FHAD1: variants seen among roughly 807,000 people sequenced by gnomAD.
FHAD1 encodes forkhead-associated domain-containing protein 1.
A neutral mutation model predicts 191.3 loss-of-function variants in FHAD1; 146 were observed. The ratio of observed to expected loss-of-function variants is 0.76; its 90% CI spans 0.67 to 0.88. The LOEUF is 0.88. Among genes scored for constraint, FHAD1 ranks in the 40% least tolerant of loss-of-function variants. FHAD1 has a pLI of 0.00. For synonymous variants in FHAD1, 616 were observed against 672.3 expected (o/e 0.92, Z 1.29); for missense variants, 1,635 against 1,785.8 (o/e 0.92, Z 1.52).
intron 3 of FHAD1, among the ~76,000 whole-genome samples, chr1:15,275,879 A>AAT (rs1437290429): frequency 1.3e-5 from 2 of 152,162 alleles, no homozygotes; most frequent in Admixed American, 1.3e-4. Flanking sequence ...GGACTGTCCT[A>AAT]ATATTGTAAG....
intron 2 of FHAD1, among the ~76,000 whole-genome samples, chr1:15,255,954 G>T (rs956307841): frequency 6.9e-6 from 1 of 145,698 alleles, no homozygotes; most frequent in African/African-American, 2.4e-5. Flanking sequence ...AGGCCTGCCT[G>T]TTGAAATGGG....
chr1:15,280,813 G>T (rs918254001), intron 3 of FHAD1, among the ~76,000 whole-genome samples: 1 of 152,104 alleles, frequency 6.6e-6, no homozygotes, highest in African/African-American at 2.4e-5. Flanking sequence ...GGACTGACCA[G>T]GAAATGAATT....
intron 25 of FHAD1, among the ~76,000 whole-genome samples, chr1:15,368,835 G>A (rs961828703): frequency 1.3e-5 from 2 of 152,192 alleles, no homozygotes; most frequent in African/African-American, 4.8e-5. Flanking sequence ...CTATCTGGGA[G>A]GCTGAGGCAG....
chr1:15,365,810 G>GT lies in FHAD1; in HGVS notation c.3048-12dup. The GT allele has an allele frequency of 6.6e-7, 1 of 1,518,404 alleles. No individual in the cohort carries two copies. The highest frequency in any genetic ancestry group is 2.5e-5 in the East Asian group (1 of 40,732). 94.1% of individuals were successfully genotyped at this position (1,518,404 alleles called of 1,614,324 possible). A position where few individuals can be genotyped will look rare whatever the true frequency, so the allele number is the denominator to read the frequency against. On this transcript the variant is annotated splice_polypyrimidine_tract_variant and intron_variant, in intron 23 of 33. Coordinates refer to ENST00000688493, the MANE Select transcript of FHAD1 (RefSeq NM_001391957.1). ...AGTTTGAGTTGAACTGACTTCACCTGTTTTTGTGAATTTCAGAGATGACTT... is the reference window on the plus strand; with the variant it reads ...AGTTTGAGTTGAACTGACTTCACCTGTTTTTTGTGAATTTCAGAGATGACTT...
intron 14 of FHAD1, chr1:15,334,741 C>T (rs1683290095): frequency 6.6e-6 from 1 of 152,260 alleles, no homozygotes; most frequent in African/African-American, 2.4e-5. Flanking sequence ...AGCCACCAGG[C>T]AGGTAGGCAT....
chr1:15,393,430 G>GCACACACACACGCA (rs1704848313), intron 33 of FHAD1, among the ~76,000 whole-genome samples: 1 of 146,742 alleles, frequency 6.8e-6, no homozygotes, highest in African/African-American at 2.5e-5. Context: ...ACACACACAC[G>GCACACACACACGCA]CACACACACA....
intron 14 of FHAD1, among the ~76,000 whole-genome samples, chr1:15,331,307 C>T (rs189728149): frequency 2.0e-5 from 3 of 151,594 alleles, no homozygotes; most frequent in African/African-American, 7.3e-5. Context: ...TGCCACACAG[C>T]GGGGGCCTAA....
intron 26 of FHAD1, among the ~76,000 whole-genome samples, chr1:15,371,319 G>C (rs1363491139): frequency 6.6e-6 from 1 of 152,174 alleles, no homozygotes; most frequent in Non-Finnish European, 1.5e-5. Flanking sequence ...GGATGCCCTT[G>C]ATTTTTAGTT....
In FHAD1 at chr1:15,307,522, C is replaced by T. The variant is rs570819017; in HGVS notation, c.916-1091C>T. On this transcript the variant is annotated intron_variant, in intron 6 of 33. Coordinates refer to ENST00000688493, the MANE Select transcript of FHAD1 (RefSeq NM_001391957.1). ...CTTGAATTGTATCTCCCAGAGTTCCCACACATTGTGAGAGGGACACAGGGA... is the reference window on the plus strand; with the variant it reads ...CTTGAATTGTATCTCCCAGAGTTCCTACACATTGTGAGAGGGACACAGGGA... 3.3e-5 allele frequency among the ~76,000 whole-genome samples: 5 copies of T among 152,250 alleles called. No homozygotes were observed. The East Asian group carries it at 9.7e-4, about 29-fold the overall frequency.
chr1:15,395,367 C>T (rs1316981012), intron 33 of FHAD1, among the ~76,000 whole-genome samples: 11 of 151,822 alleles, frequency 7.2e-5, no homozygotes, highest in Admixed American at 7.2e-4. Context: ...CATCGTCTCT[C>T]TCGTGCATGC....
At chr1:15,245,595 G>C (rs1464889343), upstream of FHAD1, among the ~76,000 whole-genome samples, 4 of 152,204 alleles carry the variant, frequency 2.6e-5, no homozygotes, top group East Asian at 3.9e-4. Flanking sequence ...CTCTGTTCCT[G>C]TGAAGCCATC....
chr1:15,261,917 G>A (rs548529635), intron 2 of FHAD1, among the ~76,000 whole-genome samples: 5 of 152,244 alleles, frequency 3.3e-5, no homozygotes, highest in African/African-American at 9.6e-5. Context: ...AAGATCACTC[G>A]AGCCCAGGGG....
intron 22 of FHAD1, among the ~76,000 whole-genome samples, chr1:15,361,179 C>T (rs1420936542): frequency 6.6e-6 from 1 of 152,120 alleles, no homozygotes; most frequent in Non-Finnish European, 1.5e-5. Context: ...CCCAAATGGC[C>T]AAGGTAAGCT....
At chr1:15,390,193 A>AT in intron 32 of FHAD1, among the ~76,000 whole-genome samples, 1 of 152,072 alleles carries the variant, frequency 6.6e-6, no homozygotes, top group East Asian at 1.9e-4. Context: ...TAAAAATACA[A>AT]AAATTAGCCG....
At chr1:15,394,658 A>G (rs574164530) in intron 33 of FHAD1, among the ~76,000 whole-genome samples, 121 of 152,296 alleles carry the variant, frequency 7.9e-4, no homozygotes, top group Admixed American at 1.8e-3. Context: ...AGACTCTTCC[A>G]TTGAAATCTT....
At chr1:15,301,174 C>G (rs772923462) in intron 5 of FHAD1, 31 bp from the exon 6 acceptor site, 108 of 1,536,366 alleles carry the variant, frequency 7.0e-5, no homozygotes, top group Admixed American at 1.2e-4. Flanking sequence ...AGGCCCACAC[C>G]TAGTAAGCCT....
At chr1:15,275,111 C>T (rs1445008645) in intron 3 of FHAD1, among the ~76,000 whole-genome samples, 4 of 152,024 alleles carry the variant, frequency 2.6e-5, no homozygotes, top group Admixed American at 6.5e-5. Context: ...TACAGGTGCC[C>T]ACCACCATGC....
intron 2 of FHAD1, among the ~76,000 whole-genome samples, chr1:15,254,481 A>G (rs1647175386): frequency 7.2e-6 from 1 of 138,200 alleles, no homozygotes; most frequent in Admixed American, 7.5e-5. Context: ...GGTCACATAA[A>G]GTGGAGACTG....
rs1170663505 is a variant in FHAD1 at position 15,329,420 on chromosome 1, C to A, written c.1785C>A (p.Ser595Arg). The A allele has an allele frequency of 6.4e-7, 1 of 1,551,266 alleles. No homozygotes were observed. Among genetic ancestry groups the A allele is most frequent in the Admixed American group, 2.0e-5 (1 of 50,994 alleles). ...ACCTTCTTCAGCACCTCCAGGTGAG[C>A]CCACCTGTCTCGGGGCTCCAGAAGG... ...EVDLLQHLQV[S>R]PPVSGLQKVV... The change falls in exon 14 of 34, where the codon AGC (serine) becomes AGA (arginine). Residue 595 changes from serine (S) to arginine (R), a missense_variant. Coordinates refer to ENST00000688493, the MANE Select transcript of FHAD1 (RefSeq NM_001391957.1). The surrounding 1 kb of genome is among the most constrained non-coding windows in gnomAD (Gnocchi z 5.0).
Sources: gnomAD v4.1 joint callset for allele counts (sites outside exome capture counted in the v4.1 genomes callset) on GRCh38, gnomAD v4.1.1 for gene constraint, Gnocchi (gnomAD v3.1) non-coding constraint, MANE v1.5 for transcripts, NCBI Gene and HGNC (gene_info 2026-07-23, HGNC 2026-07-21) for gene names.